DENND1A: variants seen among roughly 807,000 people sequenced by gnomAD.
DENND1A encodes DENN domain containing 1A, also known as DENN domain-containing protein 1A.
In DENND1A, 51 loss-of-function variants were observed where a neutral mutation model predicts 113.7. The ratio of observed to expected loss-of-function variants is 0.45; its 90% confidence interval spans 0.36 to 0.57. The LOEUF (loss-of-function observed/expected upper bound fraction) is 0.57. DENND1A is among the 20% of genes least tolerant of loss of function. DENND1A has a pLI of 0.00. For missense variants in DENND1A, 1,258 were observed against 1,395.9 expected (o/e 0.90, Z 1.57); for synonymous variants, 565 against 570.8 (o/e 0.99, Z 0.14).
At chr9:123,672,817 C>A (rs761011137) in intron 6 of DENND1A, among the ~76,000 whole-genome samples, 1 of 152,226 alleles carries the variant, frequency 6.6e-6, no homozygotes, top group Non-Finnish European at 1.5e-5. Context: ...ATAAATTACC[C>A]AGTCTGTGGT....
intron 5 of DENND1A, among the ~76,000 whole-genome samples, chr9:123,681,041 A>G (rs2064415974): frequency 6.6e-6 from 1 of 152,108 alleles, no homozygotes; most frequent in Non-Finnish European, 1.5e-5. Flanking sequence ...GTCATTGGGC[A>G]TAGTGTGCTG....
At chr9:123,733,670 A>ATTT (rs747578846) in intron 5 of DENND1A, among the ~76,000 whole-genome samples, 10,590 of 135,518 alleles carry the variant, frequency 0.078, 513 homozygotes, top group African/African-American at 0.14. Context: ...CTTGTTGGTT[A>ATTT]TTTTTTTTTT....
chr9:123,606,986 G>A (rs1011392644), intron 11 of DENND1A, among the ~76,000 whole-genome samples: 1 of 152,180 alleles, frequency 6.6e-6, no homozygotes, highest in Non-Finnish European at 1.5e-5. Flanking sequence ...GGATCAGCAG[G>A]AGCACAAGCT....
chr9:123,709,356 T>C (rs2066435165), intron 5 of DENND1A, among the ~76,000 whole-genome samples: 1 of 152,236 alleles, frequency 6.6e-6, no homozygotes, highest in African/African-American at 2.4e-5. Flanking sequence ...ATTCTCGTAA[T>C]GATCAAGCAC....
chr9:123,810,846 C>T (rs933992511), intron 2 of DENND1A, among the ~76,000 whole-genome samples: 1 of 151,598 alleles, frequency 6.6e-6, no homozygotes, highest in South Asian at 2.1e-4. Flanking sequence ...GCAACCTCTG[C>T]CTCCCGGGTT....
intron 1 of DENND1A, among the ~76,000 whole-genome samples, chr9:123,909,025 A>C (rs991044566): frequency 6.6e-6 from 1 of 152,244 alleles, no homozygotes; most frequent in Non-Finnish European, 1.5e-5. Context: ...GCCATAAAAA[A>C]TGATGAGTTC....
chr9:123,526,093 C>T (rs1028459873), intron 13 of DENND1A, among the ~76,000 whole-genome samples: 4 of 152,038 alleles, frequency 2.6e-5, no homozygotes, highest in African/African-American at 9.7e-5. Context: ...TCCAGTCTCC[C>T]CATACCACTG....
chr9:123,733,485 C>T (rs1002052512), intron 5 of DENND1A, among the ~76,000 whole-genome samples: 1 of 152,076 alleles, frequency 6.6e-6, no homozygotes, highest in Non-Finnish European at 1.5e-5. Flanking sequence ...CAGGGTCTCA[C>T]TATGTTGGCC....
At chr9:123,688,842 C>T (rs2064991462) in intron 5 of DENND1A, among the ~76,000 whole-genome samples, 1 of 152,092 alleles carries the variant, frequency 6.6e-6, no homozygotes, top group African/African-American at 2.4e-5. Context: ...GATGGCACTG[C>T]TTTATTATAA....
At chr9:123,386,451 G>A (rs1352377139) in intron 22 of DENND1A, among the ~76,000 whole-genome samples, 2 of 147,288 alleles carry the variant, frequency 1.4e-5, no homozygotes, top group Non-Finnish European at 3.0e-5. Flanking sequence ...GTGTGATCTC[G>A]GCTCACTGCA....
At chr9:123,712,433 C>G (rs560844307) in intron 5 of DENND1A, among the ~76,000 whole-genome samples, 20 of 152,346 alleles carry the variant, frequency 1.3e-4, no homozygotes, top group African/African-American at 4.8e-4. Flanking sequence ...AATTATTTAA[C>G]CTCTTTGTGC....
intron 5 of DENND1A, among the ~76,000 whole-genome samples, chr9:123,692,575 C>T (rs1359948759): frequency 6.6e-6 from 1 of 152,198 alleles, no homozygotes; most frequent in Non-Finnish European, 1.5e-5. Flanking sequence ...ATTCCCTGTG[C>T]TTTCCTGACT....
intron 2 of DENND1A, among the ~76,000 whole-genome samples, chr9:123,854,966 A>T (rs374391443): frequency 1.3e-5 from 2 of 151,152 alleles, no homozygotes; most frequent in Non-Finnish European, 2.9e-5. Context: ...CTACCTTGCT[A>T]AGAAAAACAA....
At chr9:123,712,100 A>T (rs2066675173) in intron 5 of DENND1A, among the ~76,000 whole-genome samples, 1 of 152,216 alleles carries the variant, frequency 6.6e-6, no homozygotes, top group African/African-American at 2.4e-5. Flanking sequence ...AACATATTAT[A>T]CCTCTAGGAA....
At chr9:123,476,818 A>G (rs1237772927) in intron 13 of DENND1A, among the ~76,000 whole-genome samples, 1 of 152,142 alleles carries the variant, frequency 6.6e-6, no homozygotes, top group African/African-American at 2.4e-5. Flanking sequence ...TACAATTGGG[A>G]AACTGAGCCA....
chr9:123,893,787 T>A (rs1268799613), intron 1 of DENND1A, among the ~76,000 whole-genome samples: 1 of 152,230 alleles, frequency 6.6e-6, no homozygotes, highest in Non-Finnish European at 1.5e-5. Context: ...CTGTTCTTAC[T>A]TCAAAGGGCA....
chr9:123,760,853 A>C (rs1294790645), intron 4 of DENND1A, among the ~76,000 whole-genome samples: 1 of 152,202 alleles, frequency 6.6e-6, no homozygotes, highest in African/African-American at 2.4e-5. Context: ...TATTTAAAGC[A>C]ACAGGTCTGG....
intron 5 of DENND1A, among the ~76,000 whole-genome samples, chr9:123,689,379 T>C (rs993694331): frequency 4.6e-5 from 7 of 152,216 alleles, no homozygotes; most frequent in African/African-American, 1.7e-4. Flanking sequence ...GAAAGTTGCC[T>C]TTTAATGAGT....
At position 123,650,156 on chromosome 9, in the gene DENND1A, T is replaced by C. The variant is rs560868525; in HGVS notation, c.618+1857A>G. The stretch of plus-strand genomic sequence containing the variant: ...ACAATATTCTCATTCTGAAACTCAG[T>C]CTGGGTGTTTGTGCCCTGAAATTAT... On this transcript the variant is annotated intron_variant, in intron 9 of 23. Transcript: ENST00000394215. Among the ~76,000 whole-genome samples the C allele has an allele frequency of 2.0e-5, 3 of 152,302 alleles. No individual in the cohort carries two copies. The South Asian group carries it at 6.2e-4, about 32-fold the overall frequency.
Sources: gnomAD v4.1 joint callset for allele counts (sites outside exome capture counted in the v4.1 genomes callset) on GRCh38, gnomAD v4.1.1 for gene constraint, MANE v1.5 for transcripts, NCBI Gene and HGNC (gene_info 2026-07-23, HGNC 2026-07-21) for gene names.